The following THRB variants were observed in gnomAD, a reference collection of about 807,000 sequenced individuals.
THRB encodes the protein nuclear receptor subfamily 1 group A member 2.
Under a neutral mutation model 47.8 loss-of-function variants are expected in THRB, and 12 were observed. The observed-to-expected ratio is 0.25, with a 90% CI of 0.16 to 0.41. THRB has a LOEUF of 0.41. THRB is among the 10% of genes least tolerant of loss of function. The pLI is 1.00. For missense variants in THRB, 348 were observed against 589.2 expected (o/e 0.59, Z 4.24); for synonymous variants, 218 against 212.2 (o/e 1.03, Z -0.24).
At chr3:24,218,163 G>C (rs186491895) in intron 4 of THRB, among the ~76,000 whole-genome samples, 2 of 152,086 alleles carry the variant, frequency 1.3e-5, no homozygotes, top group East Asian at 3.9e-4. Context: ...AGCTACTCGG[G>C]AGGTTGAGGC....
intron 1 of THRB, among the ~76,000 whole-genome samples, chr3:24,349,575 G>GTCACCTTTAATGTC (rs2063235555): frequency 6.6e-6 from 1 of 152,096 alleles, no homozygotes; most frequent in Non-Finnish European, 1.5e-5. Context: ...CATTAAAGGT[G>GTCACCTTTAATGTC]ACACTGCATT....
chr3:24,307,353 T>A (rs1006915630), intron 2 of THRB, among the ~76,000 whole-genome samples: 6 of 152,056 alleles, frequency 3.9e-5, no homozygotes, highest in African/African-American at 1.4e-4. Context: ...ACTATTCAGA[T>A]CTCTCAATTC....
At chr3:24,196,247 A>G (rs752017454) in intron 4 of THRB, among the ~76,000 whole-genome samples, 23 of 152,186 alleles carry the variant, frequency 1.5e-4, no homozygotes, top group Non-Finnish European at 2.6e-4. Flanking sequence ...CAAGGACTGT[A>G]AACTTTGACC....
chr3:24,199,596 CA>C (rs2044361355), intron 4 of THRB, among the ~76,000 whole-genome samples: 1 of 152,164 alleles, frequency 6.6e-6, no homozygotes, highest in South Asian at 2.1e-4. Context: ...TTCCATTAGG[CA>C]ATCACTATCC....
At chr3:24,339,667 A>C (rs774741843) in intron 1 of THRB, among the ~76,000 whole-genome samples, 7 of 152,178 alleles carry the variant, frequency 4.6e-5, no homozygotes, top group Non-Finnish European at 5.9e-5. Flanking sequence ...TTCTTCAAGT[A>C]GACAAATTGA....
chr3:24,438,627 C>T lies in THRB; in HGVS notation c.-261+56025G>A, dbSNP rs1304964367. Among the ~76,000 whole-genome samples, 3 of 152,008 alleles carry T rather than the reference C, an allele frequency of 2.0e-5. No individual in the cohort carries two copies. The East Asian group carries it at 5.8e-4, about 29-fold the overall frequency. ...AGTGGGGAGGGCCCTCAGGGGGCAT[C>T]TGTTCCAGTGTTGCTGGAGACATCC... On this transcript the variant is annotated intron_variant, in intron 1 of 10. Coordinates refer to ENST00000646209, the MANE Select transcript of THRB (RefSeq NM_001354712.2).
At chr3:24,453,155 C>T (rs1321393501) in intron 1 of THRB, among the ~76,000 whole-genome samples, 2 of 152,184 alleles carry the variant, frequency 1.3e-5, no homozygotes, top group African/African-American at 4.8e-5. Flanking sequence ...TCCATCCAAA[C>T]CATCACCAAC....
At chr3:24,440,488 T>C (rs1489033142) in intron 1 of THRB, among the ~76,000 whole-genome samples, 2 of 152,230 alleles carry the variant, frequency 1.3e-5, no homozygotes, top group Non-Finnish European at 2.9e-5. Flanking sequence ...TTTCTTCAGA[T>C]ATGTATTTTG....
intron 1 of THRB, among the ~76,000 whole-genome samples, chr3:24,414,748 A>T (rs2068603458): frequency 6.6e-6 from 1 of 151,870 alleles, no homozygotes; most frequent in Non-Finnish European, 1.5e-5. Flanking sequence ...GATGCATTAT[A>T]TTAGGAGGAA....
At chr3:24,233,568 AAAGAAAGAAAG>A (rs1168239464) in intron 3 of THRB, among the ~76,000 whole-genome samples, 3 of 38,832 alleles carry the variant, frequency 7.7e-5, no homozygotes, top group African/African-American at 2.5e-4. Flanking sequence ...AGGAAGAAAG[AAAGAAAGAAAG>A]AAAGAAAGAA....
At chr3:24,190,780 GACCTGAGGGAC>G (rs2043230207) in intron 4 of THRB, among the ~76,000 whole-genome samples, 1 of 151,696 alleles carries the variant, frequency 6.6e-6, no homozygotes, top group African/African-American at 2.4e-5. Context: ...ATCACAAGCT[GACCTGAGGGAC>G]ACCCTGTTAC....
chr3:24,396,279 A>G (rs1226226137), intron 1 of THRB, among the ~76,000 whole-genome samples: 1 of 152,096 alleles, frequency 6.6e-6, no homozygotes, highest in African/African-American at 2.4e-5. Flanking sequence ...TCAAATCCCA[A>G]TGCCTGGGCC....
intron 1 of THRB, among the ~76,000 whole-genome samples, chr3:24,492,330 C>T (rs1047903977): frequency 2.0e-5 from 3 of 151,972 alleles, no homozygotes; most frequent in Non-Finnish European, 4.4e-5. Flanking sequence ...ATTCAGATTG[C>T]AAATACAATA....
At chr3:24,470,295 G>A (rs1404701663) in intron 1 of THRB, among the ~76,000 whole-genome samples, 1 of 152,170 alleles carries the variant, frequency 6.6e-6, no homozygotes, top group Non-Finnish European at 1.5e-5. Flanking sequence ...GAAACATTAA[G>A]GATGTTATTA....
chr3:24,379,957 C>A (rs774042343), intron 1 of THRB, among the ~76,000 whole-genome samples: 1 of 151,626 alleles, frequency 6.6e-6, no homozygotes, highest in Non-Finnish European at 1.5e-5. Flanking sequence ...AGTAACTTTA[C>A]ACATTCTTCC....
chr3:24,393,338 G>A (rs2066721144), intron 1 of THRB, among the ~76,000 whole-genome samples: 1 of 152,084 alleles, frequency 6.6e-6, no homozygotes, highest in South Asian at 2.1e-4. Context: ...AGTAACTTCT[G>A]CTGAACAGAG....
intron 3 of THRB, among the ~76,000 whole-genome samples, chr3:24,288,018 A>C (rs149394320): frequency 6.6e-6 from 1 of 152,232 alleles, no homozygotes; most frequent in African/African-American, 2.4e-5. Flanking sequence ...AGTTGCACTG[A>C]ATAGGATTCT....
At chr3:24,470,258 T>C (rs1205178767) in intron 1 of THRB, among the ~76,000 whole-genome samples, 1 of 152,226 alleles carries the variant, frequency 6.6e-6, no homozygotes, top group African/African-American at 2.4e-5. Context: ...ATTGTCACTA[T>C]TTTGAAGATG....
chr3:24,368,650 G>A (rs568056157), intron 1 of THRB, among the ~76,000 whole-genome samples: 4 of 152,224 alleles, frequency 2.6e-5, no homozygotes, highest in South Asian at 2.1e-4. Context: ...CTCTAAGTAC[G>A]TGTGTCCTTT....
Sources: allele counts gnomAD v4.1 joint callset (sites outside exome capture counted in the v4.1 genomes callset), GRCh38; gene constraint gnomAD v4.1.1; transcripts MANE v1.5; gene names NCBI Gene and HGNC (gene_info 2026-07-23, HGNC 2026-07-21).